The following MINDY4 variants were observed in gnomAD, a reference collection of about 807,000 sequenced individuals.
The protein encoded by MINDY4 is MINDY lysine 48 deubiquitinase 4, also known as probable ubiquitin carboxyl-terminal hydrolase MINDY-4.
In MINDY4, 68 loss-of-function variants were observed where a neutral mutation model predicts 87.0. The observed-to-expected ratio is 0.78, with a 90% CI of 0.64 to 0.96. The LOEUF is 0.96. MINDY4 is among the 40% of genes least tolerant of loss of function. The probability of loss-of-function intolerance (pLI) is 0.00; values close to 1 mark genes in which losing one functional copy is unlikely to be tolerated. For synonymous variants in MINDY4, 379 were observed against 363.2 expected (o/e 1.04, Z -0.50); for missense variants, 919 against 928.2 (o/e 0.99, Z 0.13).
At chr7:30,867,177 T>A (rs1283593224) in intron 13 of MINDY4, among the ~76,000 whole-genome samples, 1 of 152,208 alleles carries the variant, frequency 6.6e-6, no homozygotes, top group Non-Finnish European at 1.5e-5. Flanking sequence ...CCATTGGTTC[T>A]GACTCATCGT....
At chr7:30,812,606 T>G (rs1788036891) in intron 5 of MINDY4, among the ~76,000 whole-genome samples, 1 of 152,072 alleles carries the variant, frequency 6.6e-6, no homozygotes, top group African/African-American at 2.4e-5. Flanking sequence ...GCTGATGAAT[T>G]TCTTGTTACA....
At chr7:30,802,338 T>G (rs1012115078) in intron 5 of MINDY4, among the ~76,000 whole-genome samples, 2 of 151,866 alleles carry the variant, frequency 1.3e-5, no homozygotes, top group Non-Finnish European at 2.9e-5. Flanking sequence ...AGAGGGAAGG[T>G]CTCTTAAAAT....
intron 5 of MINDY4, among the ~76,000 whole-genome samples, chr7:30,819,373 C>G (rs894859810): frequency 2.4e-4 from 37 of 152,038 alleles, no homozygotes; most frequent in African/African-American, 7.7e-4. Flanking sequence ...TCTTTGTAAT[C>G]AGAAACACAG....
intron 13 of MINDY4, among the ~76,000 whole-genome samples, chr7:30,871,210 C>G (rs369620192): frequency 2.0e-5 from 3 of 152,344 alleles, no homozygotes; most frequent in East Asian, 3.9e-4. Context: ...CGTTGCCCCC[C>G]AGAGCCAGCT....
chr7:30,845,342 G>A (rs1001268192), intron 9 of MINDY4, among the ~76,000 whole-genome samples: 2 of 152,136 alleles, frequency 1.3e-5, no homozygotes, highest in South Asian at 2.1e-4. Flanking sequence ...ACTGGGTCAC[G>A]TGGGCAGGAA....
rs2128579536 is a variant in MINDY4 at position 30,875,562 on chromosome 7, A to G, written c.1877A>G (p.Asp626Gly). ...SNVFNDVVEL[D>G]SGDGNITLLR... ...GTTTTCAACGATGTGGTTGAGCTGG[A>G]TTCTGGGGATGGGAACATCACACTT... is the stretch of plus-strand genomic sequence containing the variant. Residue 626 changes from aspartate to glycine, a missense_variant, in exon 15 of 18, where the codon GAT becomes GGT. Physicochemically the swap from Asp to Gly is moderately conservative, Grantham distance 94. Transcript: ENST00000265299. The G allele has an allele frequency of 6.2e-7, 1 of 1,614,168 alleles. No homozygotes were observed. Among genetic ancestry groups the G allele is most frequent in the Non-Finnish European group, 8.5e-7 (1 of 1,180,028 alleles).
chr7:30,789,650 G>A (rs778237474), intron 4 of MINDY4, among the ~76,000 whole-genome samples: 6 of 152,160 alleles, frequency 3.9e-5, no homozygotes, highest in Non-Finnish European at 7.4e-5. Flanking sequence ...TTGGGAGGAG[G>A]TTTATAGTGC....
intron 5 of MINDY4, among the ~76,000 whole-genome samples, chr7:30,808,611 T>C (rs1176524600): frequency 6.6e-6 from 1 of 152,156 alleles, no homozygotes; most frequent in East Asian, 1.9e-4. Context: ...TAAGGGAAAC[T>C]ATGGAGTACT....
intron 5 of MINDY4, among the ~76,000 whole-genome samples, chr7:30,822,087 A>G (rs957225655): frequency 6.6e-6 from 1 of 152,006 alleles, no homozygotes; most frequent in African/African-American, 2.4e-5. Flanking sequence ...CTGACATTTC[A>G]CTTGTAAATA....
intron 5 of MINDY4, among the ~76,000 whole-genome samples, chr7:30,814,587 G>A (rs936996170): frequency 3.3e-5 from 5 of 152,164 alleles, no homozygotes; most frequent in African/African-American, 9.7e-5. Flanking sequence ...ATTTTAAAAC[G>A]TGCTTAGCAA....
intron 13 of MINDY4, among the ~76,000 whole-genome samples, chr7:30,869,294 G>A (rs902218663): frequency 6.6e-6 from 1 of 152,212 alleles, no homozygotes; most frequent in Non-Finnish European, 1.5e-5. Flanking sequence ...AGATCCAGGG[G>A]CTGATAGAGG....
At chr7:30,790,417 T>TA (rs1249172513) in intron 4 of MINDY4, among the ~76,000 whole-genome samples, 3 of 151,816 alleles carry the variant, frequency 2.0e-5, no homozygotes, top group Admixed American at 6.6e-5. Context: ...CACAGGATTT[T>TA]AAAAAACCTT....
At position 30,826,020 on chromosome 7, in the gene MINDY4, G is replaced by A. The variant is rs930548019; in HGVS notation, c.1074-2659G>A. Among the ~76,000 whole-genome samples the A allele has an allele frequency of 1.5e-4, 23 of 152,244 alleles. 1 individual carries two copies. The highest frequency in any genetic ancestry group is 6.2e-4 in the South Asian group (3 of 4,808). Reference sequence around the variant, plus strand: ...ATTCCTTGGCTTGTAGCTCCTTCCTGTCTGCAAAGTAAATCACTCCAATCT... The same window carrying A: ...ATTCCTTGGCTTGTAGCTCCTTCCTATCTGCAAAGTAAATCACTCCAATCT... On this transcript the variant is annotated intron_variant, in intron 5 of 17. Transcript: ENST00000265299.
intron 17 of MINDY4, among the ~76,000 whole-genome samples, chr7:30,888,571 AGTT>A (rs1317196483): frequency 6.6e-6 from 1 of 152,046 alleles, no homozygotes; most frequent in Non-Finnish European, 1.5e-5. Flanking sequence ...GCCTGTCCGC[AGTT>A]GTTGGTTGCA....
intron 5 of MINDY4, among the ~76,000 whole-genome samples, chr7:30,815,519 C>T (rs114623966): frequency 0.016 from 2,376 of 152,280 alleles, 47 homozygotes; most frequent in South Asian, 0.093. Flanking sequence ...CCAGTAGCCA[C>T]GGGCTAGTGT....
intron 8 of MINDY4, among the ~76,000 whole-genome samples, chr7:30,840,382 A>G (rs1267171918): frequency 6.6e-6 from 1 of 152,182 alleles, no homozygotes; most frequent in Non-Finnish European, 1.5e-5. Flanking sequence ...GAGGAGGAGA[A>G]CTTTAGGATG....
rs563787573 is a variant in MINDY4 at position 30,882,317 on chromosome 7, A to C, written c.2108A>C (p.Tyr703Ser). ...GAGAGGCTCTTTGACTTGTACTACT[A>C]CGATGGCCTGGCCAACCAGCAGGAG... The part of the protein sequence containing the change: ...RTERLFDLYY[Y>S]DGLANQQEQI... Residue 703 changes from tyrosine to serine, a missense_variant, in exon 16 of 18, where the codon TAC (tyrosine) becomes TCC (serine). By Grantham distance (144) the Tyr-to-Ser change is moderately radical. Transcript: ENST00000265299. The C allele has an allele frequency of 1.9e-6, 3 of 1,611,148 alleles. No individual in the cohort carries two copies. The highest frequency in any genetic ancestry group is 2.2e-5 in the South Asian group (2 of 90,986).
intron 2 of MINDY4, chr7:30,781,230 A>G (rs1450520030): frequency 6.6e-6 from 1 of 152,244 alleles, no homozygotes; most frequent in Admixed American, 6.5e-5. Flanking sequence ...CAGCCTGCAT[A>G]TTGCTGCATG....
rs945776497 is a variant in MINDY4, at chr7:30,877,059, C to A, written c.1971+1403C>A. Among the ~76,000 whole-genome samples, 3 of 152,156 alleles carry A rather than the reference C, an allele frequency of 2.0e-5. No homozygotes were observed. In the East Asian group the frequency reaches 5.8e-4, roughly 29 times the overall value. On this transcript the variant is annotated intron_variant, in intron 15 of 17. Coordinates refer to ENST00000265299, the MANE Select transcript of MINDY4 (RefSeq NM_032222.3). ...CCCCCAGCATGCCAAAAGCAGACTT[C>A]TGGGTCCCAAAGACTTGCGGGAAAA...
Sources: allele counts gnomAD v4.1 joint callset (sites outside exome capture counted in the v4.1 genomes callset), GRCh38; gene constraint gnomAD v4.1.1; transcripts MANE v1.5; gene names NCBI Gene and HGNC (gene_info 2026-07-23, HGNC 2026-07-21).